The following UBE2H variants were observed in gnomAD, a reference collection of about 807,000 sequenced individuals.
UBE2H encodes the protein ubiquitin conjugating enzyme E2 H, also known as ubiquitin-conjugating enzyme E2 H.
Under a neutral mutation model 29.0 loss-of-function variants are expected in UBE2H, and 3 were observed. The ratio of observed to expected loss-of-function variants is 0.10; its 90% CI spans 0.05 to 0.27. The LOEUF (loss-of-function observed/expected upper bound fraction) is 0.27, where lower values mean the gene tolerates loss of function less well. Ranked by LOEUF, UBE2H falls within the 10% of genes least tolerant of loss-of-function variation. UBE2H has a pLI of 1.00. For missense variants in UBE2H, 68 were observed against 228.2 expected (o/e 0.30, Z 4.52); for synonymous variants, 69 against 82.9 (o/e 0.83, Z 0.91).
chr7:129,949,369 CAAAT>C (rs1212060336), intron 1 of UBE2H, among the ~76,000 whole-genome samples: 4 of 152,220 alleles, frequency 2.6e-5, no homozygotes, highest in African/African-American at 9.6e-5. Context: ...ACTTTGCAAA[CAAAT>C]GGCCGCACTA....
intron 1 of UBE2H, 32 bp from the exon 2 acceptor site, chr7:129,881,003 C>G: frequency 6.3e-7 from 1 of 1,593,856 alleles, no homozygotes; most frequent in Non-Finnish European, 8.6e-7. Flanking sequence ...ATTACACAGG[C>G]TTTACAGTAT....
rs554699763 is a variant in UBE2H, at chr7:129,879,019, G to A, written c.205+549C>T. ...CCCATTAAGGTAAAAGGAGATGAAG[G>A]TGAGGAGAAAGTACCTCTTTGTACA... On this transcript the variant is annotated intron_variant, in intron 3 of 6. Transcript: ENST00000355621. 7.2e-5 allele frequency among the ~76,000 whole-genome samples: 11 copies of A among 152,272 alleles called. No individual in the cohort carries two copies. In the South Asian group the frequency reaches 2.3e-3, roughly 32 times the overall value.
At position 129,902,503 on chromosome 7, in the gene UBE2H, CA is replaced by C; in HGVS notation, c.54-21533del. 1.3e-5 allele frequency among the ~76,000 whole-genome samples: 2 copies of C among 152,096 alleles called. 1 individual carries two copies. The highest frequency in any genetic ancestry group is 6.8e-3 in the Middle Eastern group (2 of 294). ...CGACAGAGCGAGACTCCATCTCAAA[CA>C]AACAAAAAACCTGTTGCACAAGTGA... On this transcript the variant is annotated intron_variant, in intron 1 of 6. Transcript: ENST00000355621.
Position 129,952,559 on chromosome 7 carries a change from G to T in UBE2H, c.-4C>A. On this transcript the variant is annotated 5_prime_UTR_variant, in exon 1 of 7. Coordinates refer to ENST00000355621, the MANE Select transcript of UBE2H (RefSeq NM_003344.4). ...TGCCCGGACTGGGAGATGACATGGT[G>T]TCGCCGCCGCCTCTCTCCCTTCCTC... 6.2e-7 allele frequency: 1 copy of T among 1,611,244 alleles called. No homozygotes were observed. Among genetic ancestry groups the T allele is most frequent in the Non-Finnish European group, 8.5e-7 (1 of 1,178,726 alleles).
intron 1 of UBE2H, among the ~76,000 whole-genome samples, chr7:129,907,467 G>C (rs987763420): frequency 3.3e-5 from 5 of 152,176 alleles, no homozygotes; most frequent in Non-Finnish European, 5.9e-5. Context: ...CCTAGAACCA[G>C]TTGATCAGTT....
intron 3 of UBE2H, among the ~76,000 whole-genome samples, chr7:129,878,883 T>C (rs1387626278): frequency 2.7e-5 from 4 of 146,600 alleles, no homozygotes; most frequent in Non-Finnish European, 6.0e-5. Context: ...CTGGCTTAAA[T>C]TAACTAAATT....
rs982244167 is a variant in UBE2H, at chr7:129,925,764, G to A, written c.53+26739C>T. Among the ~76,000 whole-genome samples, 4 of 152,158 alleles carry A rather than the reference G, an allele frequency of 2.6e-5. No homozygotes were observed. In the South Asian group the frequency reaches 6.2e-4, roughly 24 times the overall value. On this transcript the variant is annotated intron_variant, in intron 1 of 6. Transcript: ENST00000355621. ...TATTCACCCCTTTCTTCCTCCCACT[G>A]CATGAAACAGTGACGTGATGGCAGA...
intron 3 of UBE2H, among the ~76,000 whole-genome samples, chr7:129,866,530 A>T (rs1805907403): frequency 6.6e-6 from 1 of 152,202 alleles, no homozygotes; most frequent in African/African-American, 2.4e-5. Context: ...GTCAGAGACA[A>T]TACAGTACAG....
chr7:129,918,208 T>A (rs75264052), intron 1 of UBE2H, among the ~76,000 whole-genome samples: 1 of 152,134 alleles, frequency 6.6e-6, no homozygotes, highest in Non-Finnish European at 1.5e-5. Context: ...TATATATACA[T>A]GCACGCACAT....
At chr7:129,859,181 A>T (rs2116319210) in intron 3 of UBE2H, among the ~76,000 whole-genome samples, 1 of 152,314 alleles carries the variant, frequency 6.6e-6, no homozygotes, top group East Asian at 1.9e-4. Context: ...TCTTATACAA[A>T]ACAATCATTA....
At chr7:129,838,847 C>T (rs577899218) in intron 6 of UBE2H, among the ~76,000 whole-genome samples, 1 of 152,268 alleles carries the variant, frequency 6.6e-6, no homozygotes, top group East Asian at 1.9e-4. Flanking sequence ...CCATGTTGGC[C>T]AGGCTGGTCT....
chr7:129,934,697 AG>A (rs1807485353), intron 1 of UBE2H, among the ~76,000 whole-genome samples: 1 of 151,160 alleles, frequency 6.6e-6, no homozygotes, highest in African/African-American at 2.4e-5. Flanking sequence ...AAAATCATCA[AG>A]GTTTTCTCAT....
intron 1 of UBE2H, among the ~76,000 whole-genome samples, chr7:129,951,667 T>C (rs1584807272): frequency 6.6e-6 from 1 of 151,938 alleles, no homozygotes; most frequent in African/African-American, 2.4e-5. Flanking sequence ...AAATAAAGGG[T>C]GTCACTTGGC....
chr7:129,897,653 A>C (rs986078363), intron 1 of UBE2H, among the ~76,000 whole-genome samples: 1 of 152,230 alleles, frequency 6.6e-6, no homozygotes, highest in South Asian at 2.1e-4. Flanking sequence ...TGCAATCTAC[A>C]TGCAGAGAAC....
At chr7:129,905,148 A>G (rs1273426158) in intron 1 of UBE2H, among the ~76,000 whole-genome samples, 1 of 151,982 alleles carries the variant, frequency 6.6e-6, no homozygotes, top group African/African-American at 2.4e-5. Context: ...AGACATGCAA[A>G]GGATTAAGGT....
intron 3 of UBE2H, among the ~76,000 whole-genome samples, chr7:129,863,928 C>G (rs1427870314): frequency 6.6e-6 from 1 of 151,788 alleles, no homozygotes; most frequent in African/African-American, 2.4e-5. Context: ...CCTCAGCCTC[C>G]CAAGTAGCTG....
At chr7:129,854,948 A>G (rs919365267) in intron 5 of UBE2H, among the ~76,000 whole-genome samples, 3 of 152,192 alleles carry the variant, frequency 2.0e-5, no homozygotes, top group African/African-American at 7.2e-5. Context: ...AAGACCACAT[A>G]TTATATAATT....
In UBE2H at chr7:129,863,137, T is replaced by G. The variant is rs556787123; in HGVS notation, c.206-4196A>C. Among the ~76,000 whole-genome samples, 157 of 152,296 alleles carry G rather than the reference T, an allele frequency of 1.0e-3. 4 individuals are homozygous for G. In the South Asian group the frequency reaches 0.013, roughly 13 times the overall value. On this transcript the variant is annotated intron_variant, in intron 3 of 6. Transcript: ENST00000355621. Reference sequence around the variant, plus strand: ...TGGAGAGCACACTTGGAATTAACAGTGTCTATACAGTTTTCAATTAAATCT... The same window carrying G: ...TGGAGAGCACACTTGGAATTAACAGGGTCTATACAGTTTTCAATTAAATCT...
At chr7:129,919,304 A>G (rs1053732300) in intron 1 of UBE2H, among the ~76,000 whole-genome samples, 6 of 152,148 alleles carry the variant, frequency 3.9e-5, no homozygotes, top group African/African-American at 1.4e-4. Context: ...AACTTGATTG[A>G]CCATCACGTT....
Sources: allele counts gnomAD v4.1 joint callset (sites outside exome capture counted in the v4.1 genomes callset), GRCh38; gene constraint gnomAD v4.1.1; transcripts MANE v1.5; gene names NCBI Gene and HGNC (gene_info 2026-07-23, HGNC 2026-07-21).